The following CNTNAP5 variants were observed in gnomAD, a reference collection of about 807,000 sequenced individuals.
The protein encoded by CNTNAP5 is contactin associated protein family member 5.
A neutral mutation model predicts 150.2 loss-of-function variants in CNTNAP5; 72 were observed. The ratio of observed to expected loss-of-function variants is 0.48; its 90% confidence interval spans 0.40 to 0.58. CNTNAP5 has a LOEUF of 0.58. Ranked by LOEUF, CNTNAP5 falls within the 20% of genes least tolerant of loss-of-function variation. The probability of loss-of-function intolerance (pLI) is 0.00; values close to 1 mark genes in which losing one functional copy is unlikely to be tolerated. For missense variants in CNTNAP5, 1,636 were observed against 1,626.2 expected, an observed-to-expected ratio of 1.01 and a Z score of -0.10; for synonymous variants, 672 against 619.8, an observed-to-expected ratio of 1.08 and a Z score of -1.25.
At chr2:124,804,282 C>A (rs953341767) in intron 19 of CNTNAP5, among the ~76,000 whole-genome samples, 1 of 152,218 alleles carries the variant, frequency 6.6e-6, no homozygotes, top group African/African-American at 2.4e-5. Flanking sequence ...ACAGAGGGCA[C>A]TTCCATTATC....
rs1223926471 is a variant in CNTNAP5 at position 124,446,797 on chromosome 2, C to A, written c.778C>A (p.Leu260Met). 2 of 1,613,922 alleles carry A rather than the reference C, an allele frequency of 1.2e-6. No homozygotes were observed. Among genetic ancestry groups the A allele is most frequent in the Non-Finnish European group, 1.7e-6 (2 of 1,179,830 alleles). Residue 260 changes from leucine to methionine, a missense_variant, in exon 6 of 24, where the codon CTG (leucine) becomes ATG (methionine). Transcript: ENST00000682447. ...RLSSSLPSAT[L>M]GSLLDDQHWH... ...CAGCAGCAGCTTGCCCTCTGCCACCCTGGGCAGCCTCCTGGATGACCAGCA... is the reference window on the plus strand; with the variant it reads ...CAGCAGCAGCTTGCCCTCTGCCACCATGGGCAGCCTCCTGGATGACCAGCA...
At chr2:124,519,200 G>A (rs1447353240) in intron 8 of CNTNAP5, among the ~76,000 whole-genome samples, 2 of 152,096 alleles carry the variant, frequency 1.3e-5, no homozygotes, top group East Asian at 3.9e-4. Context: ...GGGATAAGGG[G>A]ATTGGGAGAC....
intron 21 of CNTNAP5, among the ~76,000 whole-genome samples, chr2:124,900,987 T>A (rs1256272577): frequency 6.6e-6 from 1 of 151,696 alleles, no homozygotes; most frequent in Non-Finnish European, 1.5e-5. Flanking sequence ...GGACACAGTC[T>A]TTTAATGCTC....
In CNTNAP5 at chr2:124,772,951, A is replaced by G. The variant is rs763655976; in HGVS notation, c.2686A>G (p.Arg896Gly). 1 of 1,613,760 alleles carries G rather than the reference A, an allele frequency of 6.2e-7. No individual in the cohort carries two copies. Among genetic ancestry groups the G allele is most frequent in the Non-Finnish European group, 8.5e-7 (1 of 1,179,728 alleles). The change falls in exon 17 of 24, where the codon AGG (arginine) becomes GGG (glycine). Residue 896 changes from arginine to glycine, a missense_variant. By Grantham distance (125) the Arg-to-Gly change is moderately radical. Coordinates refer to ENST00000682447, the MANE Select transcript of CNTNAP5 (RefSeq NM_001367498.1). ...ETSLQVDNLP[R>G]STRETSEEGH... is the part of the protein sequence containing the mutation. ...CTCCCTGCAGGTGGACAACCTTCCA[A>G]GGAGCACCAGGGAGACGTCGGAGGA...
At chr2:124,415,381 G>A (rs571095309) in intron 3 of CNTNAP5, among the ~76,000 whole-genome samples, 4 of 152,216 alleles carry the variant, frequency 2.6e-5, no homozygotes, top group Non-Finnish European at 4.4e-5. Flanking sequence ...TACATCAATC[G>A]CCTAATTTCA....
intron 3 of CNTNAP5, among the ~76,000 whole-genome samples, chr2:124,345,715 AG>A (rs1689721896): frequency 6.6e-6 from 1 of 152,218 alleles, no homozygotes; most frequent in African/African-American, 2.4e-5. Context: ...AGAGAAAATA[AG>A]GACAGAGTTG....
At chr2:124,572,908 C>T (rs1696199386) in intron 11 of CNTNAP5, among the ~76,000 whole-genome samples, 1 of 152,214 alleles carries the variant, frequency 6.6e-6, no homozygotes, top group East Asian at 1.9e-4. Flanking sequence ...AGCATTCTCT[C>T]ACATAGCACT....
At chr2:124,495,110 A>G (rs1416515837) in intron 7 of CNTNAP5, among the ~76,000 whole-genome samples, 1 of 152,142 alleles carries the variant, frequency 6.6e-6, no homozygotes, top group Non-Finnish European at 1.5e-5. Context: ...GTTCAATTTA[A>G]TGTTATAAGC....
At chr2:124,650,003 C>T (rs1017010383) in intron 13 of CNTNAP5, among the ~76,000 whole-genome samples, 5 of 152,122 alleles carry the variant, frequency 3.3e-5, no homozygotes, top group Admixed American at 1.3e-4. Context: ...GAAAACTCAA[C>T]GTAGATAATC....
Position 124,916,543 on chromosome 2 carries a change from C to CTCTTCATTA in CNTNAP5, c.*2257_*2265dup, listed in dbSNP as rs1206051691. 1.8e-4 allele frequency among the ~76,000 whole-genome samples: 27 copies of CTCTTCATTA among 152,196 alleles called. No individual in the cohort carries two copies. The highest frequency in any genetic ancestry group is 9.7e-4 in the East Asian group (5 of 5,162). On this transcript the variant is annotated 3_prime_UTR_variant, in exon 24 of 24. Coordinates refer to ENST00000682447, the MANE Select transcript of CNTNAP5 (RefSeq NM_001367498.1). ...GAAGGTATGAGTAATAAAGCTGGAA[C>CTCTTCATTA]TCTTCATTATTCAATCTTTGAGCAG...
At chr2:124,085,348 T>C (rs777006640) in intron 1 of CNTNAP5, among the ~76,000 whole-genome samples, 11 of 152,210 alleles carry the variant, frequency 7.2e-5, no homozygotes, top group Non-Finnish European at 5.9e-5. Flanking sequence ...TACAGCTGTT[T>C]GTGGCAGTCC....
chr2:124,674,835 G>C (rs146921813), intron 13 of CNTNAP5, among the ~76,000 whole-genome samples: 4,397 of 151,782 alleles, frequency 0.029, 66 homozygotes, highest in Middle Eastern at 0.041. Flanking sequence ...TAAGAATTTT[G>C]GGTAACATAC....
At chr2:124,827,984 A>G (rs1008148689) in intron 19 of CNTNAP5, among the ~76,000 whole-genome samples, 5 of 152,244 alleles carry the variant, frequency 3.3e-5, no homozygotes, top group African/African-American at 1.2e-4. Flanking sequence ...TTTCCAATTC[A>G]GCTCCAAGCT....
intron 13 of CNTNAP5, among the ~76,000 whole-genome samples, chr2:124,711,031 G>A (rs1438141687): frequency 1.3e-5 from 2 of 152,126 alleles, no homozygotes; most frequent in East Asian, 3.9e-4. Flanking sequence ...CCCGCACTTT[G>A]GGAGGCAGAG....
At chr2:124,839,604 T>A (rs958640412) in intron 19 of CNTNAP5, among the ~76,000 whole-genome samples, 4 of 152,132 alleles carry the variant, frequency 2.6e-5, no homozygotes, top group Admixed American at 6.6e-5. Flanking sequence ...CATTGAGAGC[T>A]GCAGTTTTTC....
intron 1 of CNTNAP5, among the ~76,000 whole-genome samples, chr2:124,062,268 A>G (rs974121304): frequency 6.6e-6 from 1 of 152,100 alleles, no homozygotes; most frequent in Admixed American, 6.6e-5. Context: ...CATCCTTTCC[A>G]TATATTCCTT....
At chr2:124,300,400 A>T (rs1688545254) in intron 3 of CNTNAP5, among the ~76,000 whole-genome samples, 1 of 152,222 alleles carries the variant, frequency 6.6e-6, no homozygotes, top group Admixed American at 6.5e-5. Context: ...TATAGGAAGG[A>T]TCTGCTGGAG....
chr2:124,467,622 T>C (rs906914480), intron 6 of CNTNAP5, among the ~76,000 whole-genome samples: 1 of 152,192 alleles, frequency 6.6e-6, no homozygotes, highest in Non-Finnish European at 1.5e-5. Context: ...TATAAGTGTT[T>C]ATAAAATATT....
At chr2:124,309,723 A>G (rs865817409) in intron 3 of CNTNAP5, among the ~76,000 whole-genome samples, 1 of 152,140 alleles carries the variant, frequency 6.6e-6, no homozygotes. Context: ...GCTACTACGC[A>G]TGTGATGTCC....
Sources: allele counts gnomAD v4.1 joint callset (sites outside exome capture counted in the v4.1 genomes callset), GRCh38; gene constraint gnomAD v4.1.1; transcripts MANE v1.5; gene names NCBI Gene and HGNC (gene_info 2026-07-23, HGNC 2026-07-21).